Variants in PARVA observed in about 807,000 individuals in gnomAD.
The protein encoded by PARVA is alpha-parvin.
A neutral mutation model predicts 52.6 loss-of-function variants in PARVA; 25 were observed. The ratio of observed to expected loss-of-function variants is 0.48; its 90% confidence interval spans 0.35 to 0.66. The LOEUF (loss-of-function observed/expected upper bound fraction) is 0.66, where lower values mean the gene tolerates loss of function less well. PARVA is among the 30% of genes least tolerant of loss of function. The pLI is 0.01. For missense variants in PARVA, 373 were observed against 450.9 expected (o/e 0.83, Z 1.56); for synonymous variants, 185 against 179.1 (o/e 1.03, Z -0.26).
chr11:12,525,898 C>G (rs1490600336), intron 12 of PARVA, among the ~76,000 whole-genome samples: 2 of 151,842 alleles, frequency 1.3e-5, no homozygotes, highest in Non-Finnish European at 2.9e-5. Flanking sequence ...CTGGAGGGAG[C>G]AGGCAGGAGG....
chr11:12,389,469 C>G (rs931164879), intron 1 of PARVA, among the ~76,000 whole-genome samples: 4 of 152,194 alleles, frequency 2.6e-5, no homozygotes, highest in Non-Finnish European at 4.4e-5. Context: ...CACCTCCCAG[C>G]TTCTGAGTTC....
Position 12,528,032 on chromosome 11 carries a change from T to C in PARVA, c.*107T>C. ...TATTCCTGTCTCTTGCACTGTGCTCTCCCACAAGTCCAGCTGCAACCCAGA... is the reference window on the plus strand; with the variant it reads ...TATTCCTGTCTCTTGCACTGTGCTCCCCCACAAGTCCAGCTGCAACCCAGA... On this transcript the variant is annotated 3_prime_UTR_variant, in exon 13 of 13. Transcript: ENST00000334956. 2 of 793,650 alleles carry C rather than the reference T, an allele frequency of 2.5e-6. No individual in the cohort carries two copies. Among genetic ancestry groups the C allele is most frequent in the Admixed American group, 1.8e-5 (1 of 54,850 alleles). 49.2% of individuals were successfully genotyped at this position (793,650 alleles called of 1,614,324 possible). A position where few individuals can be genotyped will look rare whatever the true frequency, so the allele number is the denominator to read the frequency against.
intron 1 of PARVA, among the ~76,000 whole-genome samples, chr11:12,413,544 G>A (rs966807384): frequency 3.0e-4 from 46 of 152,306 alleles, no homozygotes; most frequent in African/African-American, 1.1e-3. Context: ...AAAGATTCTT[G>A]TAGTTTACTT....
upstream of PARVA, chr11:12,377,529 T>A (rs1939410519): frequency 6.9e-7 from 1 of 1,446,280 alleles, no homozygotes; most frequent in African/African-American, 1.5e-5. Context: ...CTGCCTCAAA[T>A]GCTTGGAATA....
intron 5 of PARVA, among the ~76,000 whole-genome samples, chr11:12,500,289 G>A (rs908132939): frequency 7.2e-5 from 11 of 152,216 alleles, no homozygotes; most frequent in African/African-American, 2.6e-4. Context: ...TGCACAGTGA[G>A]GCCTGGGCGC....
rs542772976 is a variant in PARVA, at chr11:12,473,846, C to T, written c.226+12C>T. 6.4e-7 allele frequency: 1 copy of T among 1,566,140 alleles called. No homozygotes were observed. The highest frequency in any genetic ancestry group is 1.2e-5 in the South Asian group (1 of 84,928). The stretch of plus-strand genomic sequence containing the variant: ...GGACACGATGCTGGGTAACTGTGCT[C>T]TTGTCTCTGAATTCGCTTAAGCTTT... On this transcript the variant is annotated intron_variant, in intron 2 of 12. Transcript: ENST00000334956.
intron 5 of PARVA, among the ~76,000 whole-genome samples, chr11:12,497,444 T>A (rs1286543026): frequency 6.6e-6 from 1 of 151,844 alleles, no homozygotes; most frequent in South Asian, 2.1e-4. Context: ...CAAAAAAAAA[T>A]ACTTTTCAAA....
In PARVA at chr11:12,533,995, C is replaced by T. The variant is rs767320615; in HGVS notation, c.*6070C>T. 1.3e-5 allele frequency among the ~76,000 whole-genome samples: 2 copies of T among 151,976 alleles called. No homozygotes were observed. The highest frequency in any genetic ancestry group is 6.6e-5 in the Admixed American group (1 of 15,256). On this transcript the variant is annotated 3_prime_UTR_variant, in exon 13 of 13. Coordinates refer to ENST00000334956, the MANE Select transcript of PARVA (RefSeq NM_018222.5). ...TATCCTGGCTAATATGGTGAAACCC[C>T]GTCTGTACTAAAAATACAAAAAATT...
chr11:12,475,017 C>T (rs1023678651), intron 3 of PARVA, among the ~76,000 whole-genome samples: 2 of 152,090 alleles, frequency 1.3e-5, no homozygotes, highest in Non-Finnish European at 2.9e-5. Context: ...TCTGAATACA[C>T]GGTTCCCCTG....
At chr11:12,458,783 C>A (rs891125556) in intron 1 of PARVA, among the ~76,000 whole-genome samples, 2 of 152,068 alleles carry the variant, frequency 1.3e-5, no homozygotes, top group African/African-American at 4.8e-5. Context: ...CTCTGCACAG[C>A]CTGGAAGTGT....
At chr11:12,474,253 A>C (rs1052722953) in intron 3 of PARVA, among the ~76,000 whole-genome samples, 1 of 152,126 alleles carries the variant, frequency 6.6e-6, no homozygotes, top group African/African-American at 2.4e-5. Flanking sequence ...AGGATTCCAG[A>C]GTGCACAAAA....
At chr11:12,493,936 T>C (rs907969225) in intron 4 of PARVA, among the ~76,000 whole-genome samples, 2 of 152,228 alleles carry the variant, frequency 1.3e-5, no homozygotes, top group Non-Finnish European at 1.5e-5. Flanking sequence ...CCCACTTCAG[T>C]TGGCATTCGC....
Position 12,377,661 on chromosome 11 carries a change from C to G in PARVA, c.14C>G (p.Pro5Arg), listed in dbSNP as rs1285740843. 1 of 1,569,684 alleles carries G rather than the reference C, an allele frequency of 6.4e-7. No individual in the cohort carries two copies. The highest frequency in any genetic ancestry group is 8.6e-7 in the Non-Finnish European group (1 of 1,162,934). ...CTGCGCCGCGCCATGGCCACCTCCC[C>G]GCAGAAGTCGCCTTCTGTCCCCAAG... MATS[P>R]QKSPSVPKSP... The change falls in exon 1 of 13, where the codon CCG becomes CGG. Residue 5 changes from proline (P) to arginine (R), a missense_variant. Coordinates refer to ENST00000334956, the MANE Select transcript of PARVA (RefSeq NM_018222.5).
chr11:12,514,039 C>T lies in PARVA; in HGVS notation c.841C>T (p.Leu281=). 1 of 1,614,034 alleles carries T rather than the reference C, an allele frequency of 6.2e-7. No individual in the cohort carries two copies. The highest frequency in any genetic ancestry group is 8.5e-7 in the Non-Finnish European group (1 of 1,179,928). ...GAACAAGCACCTGAATAAACTGAAC[C>T]TGGAGGTCACAGAACTGGAAACCCA... ...FVNKHLNKLN[L]EVTELETQFA... Residue 281 remains leucine, a synonymous_variant, in exon 10 of 13, where the codon CTG becomes TTG. Coordinates refer to ENST00000334956, the MANE Select transcript of PARVA (RefSeq NM_018222.5).
At chr11:12,434,239 A>G (rs139150348) in intron 1 of PARVA, among the ~76,000 whole-genome samples, 1,614 of 152,284 alleles carry the variant, frequency 0.011, 16 homozygotes, top group African/African-American at 0.029. Context: ...ACATACTGAC[A>G]CCGAGGAGTT....
At chr11:12,520,106 T>A (rs1209320112) in intron 12 of PARVA, among the ~76,000 whole-genome samples, 1 of 152,260 alleles carries the variant, frequency 6.6e-6, no homozygotes, top group Non-Finnish European at 1.5e-5. Context: ...ATTTTCCCAA[T>A]ATAAATCAAT....
chr11:12,429,737 C>T (rs770233716), intron 1 of PARVA, among the ~76,000 whole-genome samples: 3 of 152,104 alleles, frequency 2.0e-5, no homozygotes, highest in Non-Finnish European at 4.4e-5. Context: ...CCGGTGGTTG[C>T]AAATTTTTTT....
At chr11:12,438,653 G>A (rs946014919) in intron 1 of PARVA, among the ~76,000 whole-genome samples, 6 of 151,812 alleles carry the variant, frequency 4.0e-5, no homozygotes, top group African/African-American at 1.5e-4. Flanking sequence ...ATCCACTAAG[G>A]GCCTACTTTG....
chr11:12,527,920 G>C lies in PARVA; in HGVS notation c.1114G>C (p.Glu372Gln), dbSNP rs768623207. 2 of 1,611,386 alleles carry C rather than the reference G, an allele frequency of 1.2e-6. No individual in the cohort carries two copies. The highest frequency in any genetic ancestry group is 4.5e-5 in the East Asian group (2 of 44,866). Residue 372 changes from glutamate (E) to glutamine (Q), a missense_variant, in exon 13 of 13, where the codon GAG (glutamate) becomes CAG (glutamine). Physicochemically the swap from Glu to Gln is conservative, Grantham distance 29 (BLOSUM62 2). Transcript: ENST00000334956. ...CCTCTTCACCAAGTACCGTAACGTG[G>C]AGTGAGGGGCTGCCCTGGGCCCACC... ...YNLFTKYRNV[E>Q]
Sources: allele counts gnomAD v4.1 joint callset (sites outside exome capture counted in the v4.1 genomes callset), GRCh38; gene constraint gnomAD v4.1.1; transcripts MANE v1.5; gene names NCBI Gene and HGNC (gene_info 2026-07-23, HGNC 2026-07-21).